The following IGSF21 variants were observed in gnomAD, a reference collection of about 807,000 sequenced individuals.
IGSF21 encodes the protein immunoglobulin superfamily member 21.
Under a neutral mutation model 46.8 loss-of-function variants are expected in IGSF21, and 28 were observed. The observed-to-expected ratio is 0.60, with a 90% CI of 0.44 to 0.82. The LOEUF is 0.82. Among genes scored for constraint, IGSF21 ranks in the 40% least tolerant of loss-of-function variants. The probability of loss-of-function intolerance (pLI) is 0.00; values close to 1 mark genes in which losing one functional copy is unlikely to be tolerated. For missense variants in IGSF21, 624 were observed against 665.5 expected (o/e 0.94, Z 0.69); for synonymous variants, 284 against 273.6 (o/e 1.04, Z -0.38).
chr1:18,369,090 G>T (rs747715989), intron 6 of IGSF21, among the ~76,000 whole-genome samples: 1 of 152,176 alleles, frequency 6.6e-6, no homozygotes, highest in Non-Finnish European at 1.5e-5. Flanking sequence ...GGACAGGCAG[G>T]TCTGCACACA....
chr1:18,365,778 G>C lies in IGSF21; in HGVS notation c.1015+81G>C. On this transcript the variant is annotated intron_variant, in intron 6 of 9. Coordinates refer to ENST00000251296, the MANE Select transcript of IGSF21 (RefSeq NM_032880.5). This position sits in a 1 kb window ranked among gnomAD's most constrained non-coding sequence, Gnocchi z 4.8. Reference sequence around the variant, plus strand: ...AGCCTTGGAATAGGGTTCCTGGGCTGAGGACAGCCATGGAAAGGGGGAGGA... The same window carrying C: ...AGCCTTGGAATAGGGTTCCTGGGCTCAGGACAGCCATGGAAAGGGGGAGGA... 1 of 1,207,318 alleles carries C rather than the reference G, an allele frequency of 8.3e-7. No individual in the cohort carries two copies. The highest frequency in any genetic ancestry group is 1.2e-6 in the Non-Finnish European group (1 of 859,310). 74.8% of individuals were successfully genotyped at this position (1,207,318 alleles called of 1,614,324 possible). A position where few individuals can be genotyped will look rare whatever the true frequency, so the allele number is the denominator to read the frequency against.
chr1:18,290,354 G>A lies in IGSF21; in HGVS notation c.184-1512G>A, dbSNP rs977522516. 2.0e-5 allele frequency among the ~76,000 whole-genome samples: 3 copies of A among 152,276 alleles called. No individual in the cohort carries two copies. The highest frequency in any genetic ancestry group is 7.2e-5 in the African/African-American group (3 of 41,538). ...ACGCGTGTACATGTCGCTAAGTCCCGACAGAGATAGGAGGGGTGTGGGCTT... is the reference window on the plus strand; with the variant it reads ...ACGCGTGTACATGTCGCTAAGTCCCAACAGAGATAGGAGGGGTGTGGGCTT... On this transcript the variant is annotated intron_variant, in intron 2 of 9. Coordinates refer to ENST00000251296, the MANE Select transcript of IGSF21 (RefSeq NM_032880.5). This position sits in a 1 kb window ranked among gnomAD's most constrained non-coding sequence, Gnocchi z 4.2.
rs987576182 is a variant in IGSF21, at chr1:18,282,307, C to G, written c.184-9559C>G. 2.0e-5 allele frequency among the ~76,000 whole-genome samples: 3 copies of G among 152,138 alleles called. No homozygotes were observed. The South Asian group carries it at 6.2e-4, about 32-fold the overall frequency. ...CCTCCAGGATGGGCTTCCGGGGAAA[C>G]TGACATTTTCAAACCCCACCCCCAC... On this transcript the variant is annotated intron_variant, in intron 2 of 9. Transcript: ENST00000251296.
At chr1:18,340,216 CA>C (rs35610389) in intron 4 of IGSF21, among the ~76,000 whole-genome samples, 14,858 of 143,380 alleles carry the variant, frequency 0.1, 921 homozygotes, top group Middle Eastern at 0.14. Context: ...ACAAGGAGGA[CA>C]AAAAAAAAAC....
At chr1:18,368,780 GC>G (rs1005042632) in intron 6 of IGSF21, among the ~76,000 whole-genome samples, 1 of 152,154 alleles carries the variant, frequency 6.6e-6, no homozygotes, top group African/African-American at 2.4e-5. Context: ...CTGGCTTCCA[GC>G]GGGGTGGCAC....
chr1:18,356,451 A>T (rs1204820297), intron 4 of IGSF21, among the ~76,000 whole-genome samples: 1 of 152,198 alleles, frequency 6.6e-6, no homozygotes, highest in Admixed American at 6.5e-5. Flanking sequence ...TTCGTTGATG[A>T]TTCTTTGCCA....
chr1:18,179,241 A>G (rs1372453420), intron 1 of IGSF21: 1 of 152,160 alleles, frequency 6.6e-6, no homozygotes, highest in Non-Finnish European at 1.5e-5. Context: ...CGGCAACTCA[A>G]CAGGTGCTCG....
chr1:18,190,729 CAG>C (rs1188943364), intron 1 of IGSF21, among the ~76,000 whole-genome samples: 2 of 152,178 alleles, frequency 1.3e-5, no homozygotes, highest in Non-Finnish European at 2.9e-5. Flanking sequence ...CTTTATCTCA[CAG>C]GAGCCAGCCA....
intron 1 of IGSF21, among the ~76,000 whole-genome samples, chr1:18,136,447 G>T (rs2086368209): frequency 6.6e-6 from 1 of 152,224 alleles, no homozygotes; most frequent in Non-Finnish European, 1.5e-5. Flanking sequence ...AAAGTGTAAG[G>T]AAGGGATCCA....
intron 1 of IGSF21, among the ~76,000 whole-genome samples, chr1:18,198,785 C>T (rs555905604): frequency 6.6e-6 from 1 of 152,148 alleles, no homozygotes; most frequent in African/African-American, 2.4e-5. Context: ...TCTGTCACCA[C>T]CCCCCTGGCC....
chr1:18,282,445 G>A (rs2085170384), intron 2 of IGSF21, among the ~76,000 whole-genome samples: 1 of 152,046 alleles, frequency 6.6e-6, no homozygotes, highest in South Asian at 2.1e-4. Flanking sequence ...TGAAGCGGGA[G>A]CGGGGTGCTG....
intron 2 of IGSF21, among the ~76,000 whole-genome samples, chr1:18,235,182 A>T (rs1168692681): frequency 6.6e-6 from 1 of 152,214 alleles, no homozygotes; most frequent in African/African-American, 2.4e-5. Flanking sequence ...TCCCCAGATG[A>T]CAGTGACGCA....
intron 1 of IGSF21, among the ~76,000 whole-genome samples, chr1:18,123,182 C>G (rs975540654): frequency 6.6e-6 from 1 of 152,152 alleles, no homozygotes; most frequent in Admixed American, 6.5e-5. Context: ...TAAGATTATT[C>G]GATGGGCAAT....
In IGSF21 at chr1:18,198,356, AG is replaced by A. The variant is rs2087030019; in HGVS notation, c.71-29541del. ...CCTCTCTTCCTGAGATGCCATTTATAGCTGCCGGGACCCACATGGGCCCGTA... is the reference window on the plus strand; with the variant it reads ...CCTCTCTTCCTGAGATGCCATTTATACTGCCGGGACCCACATGGGCCCGTA... On this transcript the variant is annotated intron_variant, in intron 1 of 9. Transcript: ENST00000251296. Among the ~76,000 whole-genome samples, 5 of 152,278 alleles carry A rather than the reference AG, an allele frequency of 3.3e-5. No individual in the cohort carries two copies. In the South Asian group the frequency reaches 1.0e-3, roughly 32 times the overall value.
chr1:18,239,040 C>T (rs1444209408), intron 2 of IGSF21, among the ~76,000 whole-genome samples: 1 of 150,234 alleles, frequency 6.7e-6, no homozygotes, highest in East Asian at 2.0e-4. Context: ...GAGGCTTGAA[C>T]AATGCTTTCT....
At chr1:18,158,412 A>G (rs1570278084) in intron 1 of IGSF21, among the ~76,000 whole-genome samples, 2 of 152,184 alleles carry the variant, frequency 1.3e-5, no homozygotes, top group South Asian at 4.1e-4. Flanking sequence ...GGTAGGAACG[A>G]AGAGGAATTT....
intron 1 of IGSF21, among the ~76,000 whole-genome samples, chr1:18,165,249 C>T (rs1444999561): frequency 6.6e-6 from 1 of 152,106 alleles, no homozygotes; most frequent in African/African-American, 2.4e-5. Context: ...GTTTTTCCCA[C>T]AGTTCTGGAT....
chr1:18,201,685 T>C (rs967936409), intron 1 of IGSF21, among the ~76,000 whole-genome samples: 1 of 152,092 alleles, frequency 6.6e-6, no homozygotes, highest in Non-Finnish European at 1.5e-5. Context: ...CTCTGGACTT[T>C]GCCTCCTCTG....
intron 2 of IGSF21, among the ~76,000 whole-genome samples, chr1:18,276,191 A>C (rs2085101237): frequency 6.6e-6 from 1 of 151,976 alleles, no homozygotes; most frequent in African/African-American, 2.4e-5. Context: ...CCTCCTTGGC[A>C]AGAAGTTGAC....
Sources: allele counts gnomAD v4.1 joint callset (sites outside exome capture counted in the v4.1 genomes callset), GRCh38; gene constraint gnomAD v4.1.1; non-coding constraint Gnocchi (gnomAD v3.1); transcripts MANE v1.5; gene names NCBI Gene and HGNC (gene_info 2026-07-23, HGNC 2026-07-21).